ZFYVE9: variants seen among roughly 807,000 people sequenced by gnomAD.
ZFYVE9 encodes zinc finger FYVE domain-containing protein 9.
A neutral mutation model predicts 126.7 loss-of-function variants in ZFYVE9; 43 were observed. The ratio of observed to expected loss-of-function variants is 0.34; its 90% CI spans 0.27 to 0.44. The LOEUF is 0.44. ZFYVE9 is among the 20% of genes least tolerant of loss of function. ZFYVE9 has a pLI of 1.00. For synonymous variants in ZFYVE9, 521 were observed against 597.4 expected, an observed-to-expected ratio of 0.87 and a Z score of 1.87; for missense variants, 1,476 against 1,697.0, an observed-to-expected ratio of 0.87 and a Z score of 2.29.
At chr1:52,184,702 C>T (rs889256236) in intron 1 of ZFYVE9, among the ~76,000 whole-genome samples, 1 of 152,032 alleles carries the variant, frequency 6.6e-6, no homozygotes, top group Non-Finnish European at 1.5e-5. Flanking sequence ...AGATGACCAT[C>T]CTTTAGATTT....
chr1:52,269,953 A>G (rs1645673010), intron 7 of ZFYVE9, among the ~76,000 whole-genome samples: 3 of 152,056 alleles, frequency 2.0e-5, no homozygotes. Flanking sequence ...ACAACTGTTT[A>G]TTTGGAAAAA....
chr1:52,346,164 T>C lies in ZFYVE9; in HGVS notation c.4221T>C (p.Leu1407=), dbSNP rs780946657. 6.2e-7 allele frequency: 1 copy of C among 1,613,056 alleles called. No individual in the cohort carries two copies. Among genetic ancestry groups the C allele is most frequent in the South Asian group, 1.1e-5 (1 of 91,018 alleles). ...TGATCCATGGAGGGGCCTGCCAGCT[T>C]AGTGAGGGCCCCGTTGTCATGGAAC... is the stretch of plus-strand genomic sequence containing the variant. ...VPVIHGGACQ[L]SEGPVVMELI... Residue 1407 remains leucine, a synonymous_variant, in exon 19 of 19, where the codon CTT becomes CTC. Transcript: ENST00000287727.
intron 10 of ZFYVE9, among the ~76,000 whole-genome samples, chr1:52,289,410 T>C (rs1053854688): frequency 3.3e-5 from 5 of 152,230 alleles, no homozygotes; most frequent in African/African-American, 1.2e-4. Flanking sequence ...ATTAATGTTA[T>C]GTAAAATTAC....
intron 1 of ZFYVE9, among the ~76,000 whole-genome samples, chr1:52,168,031 C>T (rs1163051503): frequency 6.8e-6 from 1 of 147,952 alleles, no homozygotes; most frequent in East Asian, 2.0e-4. Context: ...TTGTGTAGAT[C>T]ATAGAGTGGT....
chr1:52,266,469 T>G (rs1645635148), intron 5 of ZFYVE9, among the ~76,000 whole-genome samples, 186 bp from the exon 6 acceptor site: 1 of 150,426 alleles, frequency 6.6e-6, no homozygotes, highest in Non-Finnish European at 1.5e-5. Flanking sequence ...CCAAATAGTT[T>G]ACTTGGCTAA....
At chr1:52,219,939 G>A (rs538548981) in intron 2 of ZFYVE9, among the ~76,000 whole-genome samples, 43 of 151,972 alleles carry the variant, frequency 2.8e-4, no homozygotes, top group Admixed American at 2.2e-3. Flanking sequence ...CACCACGCCC[G>A]GCTAATTTTT....
chr1:52,223,087 G>C (rs1645139104), intron 2 of ZFYVE9, among the ~76,000 whole-genome samples: 1 of 152,058 alleles, frequency 6.6e-6, no homozygotes, highest in African/African-American at 2.4e-5. Flanking sequence ...GACTATCTCT[G>C]ATTTGGGTCC....
intron 18 of ZFYVE9, 174 bp from the exon 19 acceptor site, chr1:52,345,886 G>A (rs1646479061): frequency 1.3e-5 from 8 of 592,918 alleles, no homozygotes; most frequent in Non-Finnish European, 2.1e-5. Flanking sequence ...GTCAGGAGGA[G>A]TAAACAACAG....
chr1:52,163,867 C>T (rs982736518), intron 1 of ZFYVE9, among the ~76,000 whole-genome samples: 2 of 152,018 alleles, frequency 1.3e-5, no homozygotes, highest in African/African-American at 4.8e-5. Flanking sequence ...CTAGGCCATG[C>T]AATTGGTGAT....
In ZFYVE9 at chr1:52,142,699, G is replaced by A. The variant is rs1417689650; in HGVS notation, c.-143+296G>A. The stretch of plus-strand genomic sequence containing the variant: ...ACGGCCGCCTTTCGGGTTTGCATGG[G>A]CCCGGGCCGAGCGCAGCCTCTTAGC... On this transcript the variant is annotated intron_variant, in intron 1 of 18. Coordinates refer to ENST00000287727, the MANE Select transcript of ZFYVE9 (RefSeq NM_004799.4). This position sits in a 1 kb window ranked among gnomAD's most constrained non-coding sequence, Gnocchi z 4.5. 1.3e-5 allele frequency among the ~76,000 whole-genome samples: 2 copies of A among 152,130 alleles called. No homozygotes were observed. Among genetic ancestry groups the A allele is most frequent in the Non-Finnish European group, 2.9e-5 (2 of 67,984 alleles).
intron 4 of ZFYVE9, among the ~76,000 whole-genome samples, chr1:52,248,879 C>T (rs1212756802): frequency 2.0e-5 from 3 of 152,156 alleles, no homozygotes; most frequent in East Asian, 1.9e-4. Context: ...TTTCCATTCC[C>T]GTCAACAATT....
chr1:52,270,500 C>A (rs796206362), intron 7 of ZFYVE9, among the ~76,000 whole-genome samples: 9 of 152,074 alleles, frequency 5.9e-5, no homozygotes, highest in African/African-American at 1.4e-4. Context: ...TCCTGACCTC[C>A]TGATCTGCCC....
chr1:52,179,740 CGGA>C (rs1644679705), intron 1 of ZFYVE9: 3 of 393,288 alleles, frequency 7.6e-6, no homozygotes, highest in South Asian at 6.4e-5. Context: ...TTTATAGGAG[CGGA>C]GGAGGAGAGT....
At chr1:52,327,339 C>G (rs1460950770) in intron 13 of ZFYVE9, among the ~76,000 whole-genome samples, 1 of 151,800 alleles carries the variant, frequency 6.6e-6, no homozygotes, top group African/African-American at 2.4e-5. Context: ...CGCGGTGGCT[C>G]ACACCTGTAA....
At chr1:52,228,044 G>A (rs1645185591) in intron 2 of ZFYVE9, among the ~76,000 whole-genome samples, 2 of 151,800 alleles carry the variant, frequency 1.3e-5, no homozygotes, top group African/African-American at 2.4e-5. Context: ...GAATTTGACT[G>A]TTTAAACTCT....
chr1:52,197,212 A>G (rs745830462), intron 1 of ZFYVE9, among the ~76,000 whole-genome samples: 1 of 152,202 alleles, frequency 6.6e-6, no homozygotes, highest in African/African-American at 2.4e-5. Flanking sequence ...AAATGAGAAC[A>G]TGATTTAATG....
At chr1:52,266,581 A>T in intron 5 of ZFYVE9, 74 bp from the exon 6 acceptor site, 3 of 1,305,922 alleles carry the variant, frequency 2.3e-6, no homozygotes, top group Non-Finnish European at 3.1e-6. Context: ...TGCATTATTT[A>T]TCCAATATTG....
chr1:52,183,819 T>C (rs757468575), intron 1 of ZFYVE9, among the ~76,000 whole-genome samples: 2 of 151,842 alleles, frequency 1.3e-5, no homozygotes, highest in African/African-American at 2.4e-5. Flanking sequence ...GCTGTGTCTT[T>C]AATGTATAAG....
At chr1:52,328,058 C>CT (rs1394682445) in intron 13 of ZFYVE9, among the ~76,000 whole-genome samples, 2 of 151,708 alleles carry the variant, frequency 1.3e-5, no homozygotes, top group African/African-American at 4.8e-5. Flanking sequence ...GGAAGTAGTC[C>CT]TACATGTAAG....
Sources: allele counts gnomAD v4.1 joint callset (sites outside exome capture counted in the v4.1 genomes callset), GRCh38; gene constraint gnomAD v4.1.1; non-coding constraint Gnocchi (gnomAD v3.1); transcripts MANE v1.5; gene names NCBI Gene and HGNC (gene_info 2026-07-23, HGNC 2026-07-21).